NALF1: variants seen among roughly 807,000 people sequenced by gnomAD.
The protein encoded by NALF1 is NALCN channel auxiliary factor 1.
NALF1 carries 3 observed loss-of-function variants against 48.4 expected under a neutral mutation model. The ratio of observed to expected loss-of-function variants is 0.06; its 90% CI spans 0.03 to 0.16. The LOEUF is 0.16. NALF1 is among the 10% of genes least tolerant of loss of function. The pLI is 1.00. For missense variants in NALF1, 526 were observed against 571.5 expected (o/e 0.92, Z 0.81); for synonymous variants, 262 against 245.7 (o/e 1.07, Z -0.62).
At position 107,604,196 on chromosome 13, in the gene NALF1, C is replaced by T. The variant is rs555576500; in HGVS notation, c.915+261486G>A. 5.9e-5 allele frequency among the ~76,000 whole-genome samples: 9 copies of T among 152,272 alleles called. No homozygotes were observed. In the South Asian group the frequency reaches 1.7e-3, roughly 28 times the overall value. ...AGAAATGATGTACTCCTTATAACTG[C>T]ATTCTTGCCAATAATCGTTTCCCAA... On this transcript the variant is annotated intron_variant, in intron 1 of 2. Coordinates refer to ENST00000375915, the MANE Select transcript of NALF1 (RefSeq NM_001080396.3).
chr13:107,334,055 G>C (rs1205083191), intron 1 of NALF1, among the ~76,000 whole-genome samples: 5 of 152,106 alleles, frequency 3.3e-5, no homozygotes. Context: ...AAAAATAAAA[G>C]TCTCAGAAAA....
chr13:107,363,782 T>C (rs1163179896), intron 1 of NALF1, among the ~76,000 whole-genome samples: 1 of 152,204 alleles, frequency 6.6e-6, no homozygotes, highest in East Asian at 1.9e-4. Context: ...TCAGTGGTCT[T>C]GATAAATAAA....
At chr13:107,597,643 G>T (rs1370096379) in intron 1 of NALF1, among the ~76,000 whole-genome samples, 1 of 149,688 alleles carries the variant, frequency 6.7e-6, no homozygotes, top group Non-Finnish European at 1.5e-5. Flanking sequence ...GCTTACAAAA[G>T]AAAAAATAGT....
intron 1 of NALF1, among the ~76,000 whole-genome samples, chr13:107,639,751 C>T (rs1289334153): frequency 1.3e-5 from 2 of 152,110 alleles, no homozygotes; most frequent in Non-Finnish European, 2.9e-5. Flanking sequence ...ATGCCTGAAA[C>T]CTCAAGTAAA....
chr13:107,664,265 G>A (rs1202929776), intron 1 of NALF1, among the ~76,000 whole-genome samples: 1 of 152,078 alleles, frequency 6.6e-6, no homozygotes, highest in Non-Finnish European at 1.5e-5. Flanking sequence ...TATCTACTGT[G>A]TTGGTTCTAC....
chr13:107,167,055 GTTAT>G lies in NALF1; in HGVS notation c.*3438_*3441del, dbSNP rs746330375. ...AATAAAGAATGACATTGAACTCTAT[GTTAT>G]TTGCCATTTAGCTTAGCAGTACCAA... On this transcript the variant is annotated 3_prime_UTR_variant, in exon 3 of 3. Transcript: ENST00000375915. The G allele has an allele frequency of 6.6e-6, 1 of 152,092 alleles. No individual in the cohort carries two copies. The highest frequency in any genetic ancestry group is 1.5e-5 in the Non-Finnish European group (1 of 68,018). The allele number at this position is 152,092 out of a possible 1,614,324, so 9.4% of individuals were successfully genotyped here.
intron 1 of NALF1, among the ~76,000 whole-genome samples, chr13:107,748,383 T>C (rs1037044427): frequency 6.6e-6 from 1 of 152,188 alleles, no homozygotes; most frequent in South Asian, 2.1e-4. Flanking sequence ...TTGTTTAATA[T>C]AAGGAGAAAA....
At chr13:107,836,335 T>A (rs1879888103) in intron 1 of NALF1, among the ~76,000 whole-genome samples, 1 of 152,166 alleles carries the variant, frequency 6.6e-6, no homozygotes, top group Non-Finnish European at 1.5e-5. Flanking sequence ...TATATAAGTT[T>A]TAGGAAGCAC....
rs542639887 is a variant in NALF1 at position 107,772,561 on chromosome 13, G to T, written c.915+93121C>A. On this transcript the variant is annotated intron_variant, in intron 1 of 2. Coordinates refer to ENST00000375915, the MANE Select transcript of NALF1 (RefSeq NM_001080396.3). ...TTATATAAATGCTATGTGAAAAAAA[G>T]TCCCTAATTAAGAATGTAGGTAATA... Among the ~76,000 whole-genome samples, 3 of 152,254 alleles carry T rather than the reference G, an allele frequency of 2.0e-5. No individual in the cohort carries two copies. In the South Asian group the frequency reaches 6.2e-4, roughly 32 times the overall value.
At chr13:107,682,605 T>C (rs1881334839) in intron 1 of NALF1, among the ~76,000 whole-genome samples, 2 of 152,192 alleles carry the variant, frequency 1.3e-5, no homozygotes, top group South Asian at 4.1e-4. Flanking sequence ...CTCTTTTTTT[T>C]TTCCATTTTC....
At chr13:107,337,975 C>T (rs938680288) in intron 1 of NALF1, among the ~76,000 whole-genome samples, 2 of 152,118 alleles carry the variant, frequency 1.3e-5, no homozygotes, top group African/African-American at 4.8e-5. Flanking sequence ...TGTGGTTATG[C>T]TGGGAAAATC....
chr13:107,430,625 G>T (rs953974272), intron 1 of NALF1, among the ~76,000 whole-genome samples: 1 of 152,192 alleles, frequency 6.6e-6, no homozygotes, highest in Non-Finnish European at 1.5e-5. Flanking sequence ...CAAAGGACAT[G>T]AACTCATCAT....
chr13:107,565,402 T>TAAAAAAAAAAAAA (rs1296463515), intron 1 of NALF1, among the ~76,000 whole-genome samples: 3 of 105,240 alleles, frequency 2.9e-5, no homozygotes, highest in Admixed American at 9.5e-5. Flanking sequence ...AAAAAAAAAG[T>TAAAAAAAAAAAAA]AAAAAAGATT....
At chr13:107,277,718 A>T (rs1881308845) in intron 1 of NALF1, among the ~76,000 whole-genome samples, 1 of 152,220 alleles carries the variant, frequency 6.6e-6, no homozygotes, top group South Asian at 2.1e-4. Flanking sequence ...CCCACCTACC[A>T]TCAACCAATT....
intron 2 of NALF1, among the ~76,000 whole-genome samples, chr13:107,208,902 G>A (rs1010136359): frequency 6.6e-6 from 1 of 151,664 alleles, no homozygotes; most frequent in African/African-American, 2.4e-5. Flanking sequence ...TCCCCCTCCA[G>A]CAGAGAGGAG....
intron 1 of NALF1, among the ~76,000 whole-genome samples, chr13:107,782,152 T>C (rs996456060): frequency 6.6e-6 from 1 of 152,156 alleles, no homozygotes; most frequent in African/African-American, 2.4e-5. Context: ...GCAACCTCCC[T>C]GCCTGATTCT....
chr13:107,412,872 T>G (rs2139001979), intron 1 of NALF1, among the ~76,000 whole-genome samples: 1 of 152,314 alleles, frequency 6.6e-6, no homozygotes, highest in South Asian at 2.1e-4. Flanking sequence ...CTGCATGAAC[T>G]TACACAATCT....
At chr13:107,328,273 T>TACACACACAC (rs34987619) in intron 1 of NALF1, among the ~76,000 whole-genome samples, 246 of 144,104 alleles carry the variant, frequency 1.7e-3, no homozygotes, top group African/African-American at 5.6e-3. Flanking sequence ...TCTCCTGCAA[T>TACACACACAC]ACACACACAC....
At chr13:107,779,035 A>C (rs529996535) in intron 1 of NALF1, among the ~76,000 whole-genome samples, 1 of 152,314 alleles carries the variant, frequency 6.6e-6, no homozygotes, top group South Asian at 2.1e-4. Context: ...TCTTTCTTTT[A>C]TAGGTCGAGA....
Sources: gnomAD v4.1 joint callset for allele counts (sites outside exome capture counted in the v4.1 genomes callset) on GRCh38, gnomAD v4.1.1 for gene constraint, MANE v1.5 for transcripts, NCBI Gene and HGNC (gene_info 2026-07-23, HGNC 2026-07-21) for gene names.